Variants in NTM observed in about 807,000 individuals in gnomAD.
The protein encoded by NTM is IgLON family member 2.
A neutral mutation model predicts 42.1 loss-of-function variants in NTM; 13 were observed. The observed-to-expected ratio is 0.31, with a 90% CI of 0.20 to 0.49. The LOEUF is 0.49. Among genes scored for constraint, NTM ranks in the 20% least tolerant of loss-of-function variants. The pLI is 0.99. For synonymous variants in NTM, 187 were observed against 179.2 expected (o/e 1.04, Z -0.35); for missense variants, 373 against 452.8 (o/e 0.82, Z 1.60).
chr11:132,268,764 C>G (rs957230887), intron 4 of NTM, among the ~76,000 whole-genome samples: 10 of 151,446 alleles, frequency 6.6e-5, no homozygotes, highest in Non-Finnish European at 1.0e-4. Context: ...TGAGCTAATG[C>G]TAATATTTTA....
chr11:131,709,458 T>C (rs2076904139), intron 1 of NTM, among the ~76,000 whole-genome samples: 1 of 152,200 alleles, frequency 6.6e-6, no homozygotes. Flanking sequence ...ACAGGATTAG[T>C]TTGAATGCAA....
chr11:131,665,069 T>G lies in NTM; in HGVS notation c.83-246495T>G, dbSNP rs999049543. ...AGAACCGTGCTCTAAATGCCATCTG[T>G]GTTTGCCAGTGGCATTCACGCGTCC... is the stretch of plus-strand genomic sequence containing the variant. On this transcript the variant is annotated intron_variant, in intron 1 of 8. Transcript: ENST00000683400. Among the ~76,000 whole-genome samples, 7 of 152,144 alleles carry G rather than the reference T, an allele frequency of 4.6e-5. No individual in the cohort carries two copies. The East Asian group carries it at 7.7e-4, about 17-fold the overall frequency.
intron 4 of NTM, among the ~76,000 whole-genome samples, chr11:132,225,525 C>A (rs1032749612): frequency 6.6e-6 from 1 of 152,046 alleles, no homozygotes; most frequent in Middle Eastern, 3.2e-3. Context: ...TGAAGAACAG[C>A]AAGAATTCTG....
chr11:131,539,363 T>C (rs959572318), intron 1 of NTM: 3 of 152,194 alleles, frequency 2.0e-5, no homozygotes, highest in Non-Finnish European at 4.4e-5. Context: ...TCAGGATGTG[T>C]TCAGGGAAGA....
intron 1 of NTM, among the ~76,000 whole-genome samples, chr11:131,402,029 GC>G (rs1945299165): frequency 6.6e-6 from 1 of 150,948 alleles, no homozygotes; most frequent in Non-Finnish European, 1.5e-5. Context: ...TGCCCTGTGA[GC>G]AGGGAGTTAT....
chr11:131,994,785 A>G (rs73586648), intron 2 of NTM, among the ~76,000 whole-genome samples: 3,850 of 152,016 alleles, frequency 0.025, 178 homozygotes, highest in African/African-American at 0.088. Context: ...CTGTTTGGAT[A>G]TTTCCCCCAT....
chr11:132,258,240 T>A (rs2092628400), intron 4 of NTM, among the ~76,000 whole-genome samples: 1 of 152,244 alleles, frequency 6.6e-6, no homozygotes, highest in Admixed American at 6.5e-5. Flanking sequence ...ACACATTTTC[T>A]AAACTCTGTC....
rs145543095 is a variant in NTM, at chr11:131,442,431, A to G, written c.82+71543A>G. Among the ~76,000 whole-genome samples, 8 of 152,192 alleles carry G rather than the reference A, an allele frequency of 5.3e-5. No homozygotes were observed. In the East Asian group the frequency reaches 1.5e-3, roughly 29 times the overall value. ...TGCATGGTCAAATTCTTTTTATTTTATTTTAGATTGGGGTTGTACCCATGC... is the reference window on the plus strand; with the variant it reads ...TGCATGGTCAAATTCTTTTTATTTTGTTTTAGATTGGGGTTGTACCCATGC... On this transcript the variant is annotated intron_variant, in intron 1 of 8. Coordinates refer to ENST00000683400, the MANE Select transcript of NTM (RefSeq NM_001352005.2).
intron 1 of NTM, among the ~76,000 whole-genome samples, chr11:131,592,524 CAAAAA>C (rs3040141): frequency 7.7e-6 from 1 of 129,952 alleles, no homozygotes; most frequent in Admixed American, 7.6e-5. Context: ...ATAGGTCTTT[CAAAAA>C]AAAAAAAAAA....
rs116483234 is a variant in NTM, at chr11:131,716,813, C to T, written c.83-194751C>T. Reference sequence around the variant, plus strand: ...CTATTTTTCAGTATTTATGCTAATACGATACTGTTGATTACTAAAGCTTTT... The same window carrying T: ...CTATTTTTCAGTATTTATGCTAATATGATACTGTTGATTACTAAAGCTTTT... On this transcript the variant is annotated intron_variant, in intron 1 of 8. Coordinates refer to ENST00000683400, the MANE Select transcript of NTM (RefSeq NM_001352005.2). 8.3e-3 allele frequency among the ~76,000 whole-genome samples: 1,259 copies of T among 152,132 alleles called. 21 individuals carry two copies. The highest frequency in any genetic ancestry group is 0.025 in the African/African-American group (1,019 of 41,530).
intron 2 of NTM, among the ~76,000 whole-genome samples, chr11:132,100,494 G>A (rs533713939): frequency 3.9e-5 from 6 of 152,298 alleles, no homozygotes; most frequent in African/African-American, 1.4e-4. Context: ...ACATGCTTCT[G>A]TGACAGTTGA....
chr11:131,508,387 A>T (rs1448608662), intron 1 of NTM, among the ~76,000 whole-genome samples: 1 of 150,708 alleles, frequency 6.6e-6, no homozygotes, highest in Non-Finnish European at 1.5e-5. Context: ...AGGAAACAAC[A>T]GGTGCTAAAG....
intron 1 of NTM, among the ~76,000 whole-genome samples, chr11:131,907,643 C>T (rs986222560): frequency 2.0e-5 from 3 of 151,958 alleles, no homozygotes; most frequent in African/African-American, 4.8e-5. Flanking sequence ...AAGAAGGAGA[C>T]GGAGATGGTG....
chr11:131,879,907 G>A (rs2049198199), intron 1 of NTM, among the ~76,000 whole-genome samples: 2 of 152,176 alleles, frequency 1.3e-5, no homozygotes, highest in Admixed American at 1.3e-4. Context: ...TATAAAAAGT[G>A]GGGTGTTAGA....
intron 1 of NTM, among the ~76,000 whole-genome samples, chr11:131,785,887 G>A (rs750102458): frequency 1.3e-5 from 2 of 152,198 alleles, no homozygotes; most frequent in Non-Finnish European, 2.9e-5. Flanking sequence ...GGCGAGTGCC[G>A]GGGCTCAGAC....
chr11:131,627,560 G>A (rs2063243706), intron 1 of NTM, among the ~76,000 whole-genome samples: 1 of 152,118 alleles, frequency 6.6e-6, no homozygotes, highest in South Asian at 2.1e-4. Context: ...GGGCGGGCAA[G>A]GTGGCTCATG....
intron 1 of NTM, among the ~76,000 whole-genome samples, chr11:131,424,151 C>T (rs966182741): frequency 1.3e-5 from 2 of 152,128 alleles, no homozygotes; most frequent in African/African-American, 4.8e-5. Context: ...ATGAAAAATG[C>T]CTTGCACCAT....
intron 2 of NTM, among the ~76,000 whole-genome samples, chr11:132,103,234 A>G (rs1591527688): frequency 6.6e-6 from 1 of 152,336 alleles, no homozygotes; most frequent in Non-Finnish European, 1.5e-5. Flanking sequence ...CAATTGGCAC[A>G]TCGTCCCTGC....
intron 4 of NTM, among the ~76,000 whole-genome samples, chr11:132,263,598 C>CT (rs199633542): frequency 5.3e-5 from 8 of 151,354 alleles, no homozygotes; most frequent in Non-Finnish European, 4.4e-5. Flanking sequence ...GTTCTGGTTC[C>CT]TTTTTTTTTC....
Sources: gnomAD v4.1 joint callset for allele counts (sites outside exome capture counted in the v4.1 genomes callset) on GRCh38, gnomAD v4.1.1 for gene constraint, MANE v1.5 for transcripts, NCBI Gene and HGNC (gene_info 2026-07-23, HGNC 2026-07-21) for gene names.